RANBP2: variants seen among roughly 807,000 people sequenced by gnomAD.
RANBP2 encodes RAN binding protein 2, also known as E3 SUMO-protein ligase RanBP2.
In RANBP2, 57 loss-of-function variants were observed where a neutral mutation model predicts 303.6. The ratio of observed to expected loss-of-function variants is 0.19; its 90% CI spans 0.15 to 0.23. The LOEUF is 0.23. Ranked by LOEUF, RANBP2 falls within the 10% of genes least tolerant of loss-of-function variation. The pLI, the probability that RANBP2 is intolerant of heterozygous loss-of-function variation, is 1.00. For missense variants in RANBP2, 3,138 were observed against 3,780.8 expected (o/e 0.83, Z 4.46); for synonymous variants, 1,167 against 1,301.5 (o/e 0.90, Z 2.23).
the RANBP2 span, among the ~76,000 whole-genome samples, chr2:109,122,741 T>C: frequency 6.6e-6 from 1 of 152,108 alleles, no homozygotes; most frequent in South Asian, 2.1e-4. Context: ...CATGGTGGCA[T>C]GTGCCTGTGG....
chr2:109,544,971 C>A, the RANBP2 span: 1 of 985,264 alleles, frequency 1.0e-6, no homozygotes, highest in Non-Finnish European at 1.2e-6. Flanking sequence ...AATATATAAG[C>A]CAATAAAATC....
chr2:108,763,853 A>T lies in RANBP2; in HGVS notation c.3314A>T (p.Asn1105Ile). Residue 1105 changes from asparagine to isoleucine, a missense_variant, in exon 20 of 29, where the codon AAT (asparagine) becomes ATT (isoleucine). This residue lies in a region of RANBP2 where 403 missense variants were observed against 376.7 expected (regional missense o/e 1.07). Coordinates refer to ENST00000283195, the MANE Select transcript of RANBP2 (RefSeq NM_006267.5). ...AATACATTCAATTTTGGAAGCAAAA[A>T]TGTGTCTGGAATTTCATTTACAGAA... ...PRNTFNFGSK[N>I]VSGISFTENM... 6.2e-7 allele frequency: 1 copy of T among 1,614,072 alleles called. No individual in the cohort carries two copies. The highest frequency in any genetic ancestry group is 8.5e-7 in the Non-Finnish European group (1 of 1,179,998).
the RANBP2 span, among the ~76,000 whole-genome samples, chr2:108,991,861 C>T: frequency 6.6e-6 from 1 of 152,144 alleles, no homozygotes; most frequent in East Asian, 1.9e-4. Context: ...GACTGGAGTG[C>T]AGTAGCGTGA....
chr2:109,533,876 C>T, the RANBP2 span, among the ~76,000 whole-genome samples: 6 of 152,226 alleles, frequency 3.9e-5, no homozygotes, highest in Non-Finnish European at 7.3e-5. Context: ...TTAAGCCTGT[C>T]TTTGTAAAGC....
At chr2:108,944,691 G>C in the RANBP2 span, among the ~76,000 whole-genome samples, 1 of 152,182 alleles carries the variant, frequency 6.6e-6, no homozygotes, top group Non-Finnish European at 1.5e-5. Context: ...CTGGGTCCTG[G>C]TGTCTGGGCC....
chr2:109,251,463 C>T, the RANBP2 span: 1 of 731,194 alleles, frequency 1.4e-6, no homozygotes, highest in Non-Finnish European at 2.6e-6. Context: ...AATCTATGGA[C>T]AAGAAGTTGT....
At chr2:109,296,245 GA>G in the RANBP2 span, among the ~76,000 whole-genome samples, 3 of 149,124 alleles carry the variant, frequency 2.0e-5, no homozygotes, top group African/African-American at 7.8e-5. Flanking sequence ...ATTATTATTC[GA>G]GATGGAGTTT....
the RANBP2 span, among the ~76,000 whole-genome samples, chr2:109,417,616 T>A: frequency 6.6e-6 from 1 of 152,156 alleles, no homozygotes; most frequent in African/African-American, 2.4e-5. Flanking sequence ...ATCAAAGGTT[T>A]TTCTCACAGT....
At chr2:109,395,036 C>T in the RANBP2 span, among the ~76,000 whole-genome samples, 9 of 152,322 alleles carry the variant, frequency 5.9e-5, no homozygotes, top group Non-Finnish European at 1.2e-4. Flanking sequence ...AAATTCAGGC[C>T]CAGCTTTATG....
intron 1 of RANBP2, among the ~76,000 whole-genome samples, chr2:108,722,878 G>A (rs578199372): frequency 4.7e-4 from 72 of 151,806 alleles, no homozygotes; most frequent in Middle Eastern, 3.4e-3. Context: ...GTGACAGAGC[G>A]AGACTCTGTC....
At chr2:108,959,581 GC>G in the RANBP2 span, among the ~76,000 whole-genome samples, 1 of 151,388 alleles carries the variant, frequency 6.6e-6, no homozygotes, top group Non-Finnish European at 1.5e-5. Flanking sequence ...CAGTCATGGG[GC>G]TGAGGGGAGC....
chr2:109,600,217 C>T, the RANBP2 span, among the ~76,000 whole-genome samples: 7 of 152,148 alleles, frequency 4.6e-5, no homozygotes, highest in South Asian at 2.1e-4. Flanking sequence ...TTTCCTTGCA[C>T]GGCTATTAAG....
the RANBP2 span, chr2:109,251,357 G>A: frequency 8.5e-6 from 5 of 586,674 alleles, no homozygotes; most frequent in Non-Finnish European, 9.6e-6. Context: ...CCGGCCTGCC[G>A]CGGGAGCATG....
the RANBP2 span, among the ~76,000 whole-genome samples, chr2:108,845,480 T>C: frequency 6.6e-6 from 1 of 152,090 alleles, no homozygotes; most frequent in Admixed American, 6.6e-5. Context: ...GATTGGAGAA[T>C]TGGGTCATAA....
chr2:109,218,774 A>G, the RANBP2 span, among the ~76,000 whole-genome samples: 1 of 152,148 alleles, frequency 6.6e-6, no homozygotes, highest in African/African-American at 2.4e-5. Flanking sequence ...GGCTCTGACT[A>G]TATTTGCTGT....
chr2:108,728,970 T>TGTG (rs1480342068), intron 1 of RANBP2, among the ~76,000 whole-genome samples, 162 bp from the exon 2 acceptor site: 1 of 152,216 alleles, frequency 6.6e-6, no homozygotes, highest in African/African-American at 2.4e-5. Context: ...GATAGGAAAT[T>TGTG]ATAAAACATG....
At chr2:108,899,312 C>A in the RANBP2 span, among the ~76,000 whole-genome samples, 1 of 152,188 alleles carries the variant, frequency 6.6e-6, no homozygotes, top group Non-Finnish European at 1.5e-5. Flanking sequence ...GAGTTGCATA[C>A]CAGGTTGCAG....
the RANBP2 span, among the ~76,000 whole-genome samples, chr2:109,334,817 T>G: frequency 6.6e-6 from 1 of 152,250 alleles, no homozygotes; most frequent in Admixed American, 6.5e-5. Flanking sequence ...TAGAATGTTA[T>G]GTGCCACTTG....
the RANBP2 span, among the ~76,000 whole-genome samples, chr2:109,150,527 C>T: frequency 1.3e-5 from 2 of 152,082 alleles, no homozygotes; most frequent in African/African-American, 2.4e-5. Context: ...TCTGTTTAAC[C>T]ACACAGTGGG....
Sources: allele counts gnomAD v4.1 joint callset (sites outside exome capture counted in the v4.1 genomes callset), GRCh38; gene constraint gnomAD v4.1.1; regional missense constraint gnomAD v4.1.1; transcripts MANE v1.5; gene names NCBI Gene and HGNC (gene_info 2026-07-23, HGNC 2026-07-21).